Variants in CAMTA1 observed in about 807,000 individuals in gnomAD.
CAMTA1 encodes the protein calmodulin-binding transcription activator 1.
A neutral mutation model predicts 170.9 loss-of-function variants in CAMTA1; 27 were observed. The ratio of observed to expected loss-of-function variants is 0.16; its 90% confidence interval spans 0.12 to 0.22. CAMTA1 has a LOEUF of 0.22. Among genes scored for constraint, CAMTA1 ranks in the 10% least tolerant of loss-of-function variants. The pLI is 1.00. For synonymous variants in CAMTA1, 833 were observed against 891.5 expected (o/e 0.93, Z 1.17); for missense variants, 1,619 against 2,217.2 (o/e 0.73, Z 5.42).
chr1:7,502,620 C>T (rs1175451769), intron 6 of CAMTA1, among the ~76,000 whole-genome samples: 1 of 152,146 alleles, frequency 6.6e-6, no homozygotes, highest in Non-Finnish European at 1.5e-5. Context: ...TTCACCAGGT[C>T]GAGGAGTGGG....
intron 6 of CAMTA1, among the ~76,000 whole-genome samples, chr1:7,485,094 A>G (rs1402076843): frequency 6.6e-6 from 1 of 152,032 alleles, no homozygotes; most frequent in Non-Finnish European, 1.5e-5. Context: ...GTTGCCTCCA[A>G]AAGGCTTGGA....
At chr1:7,640,844 G>A (rs990782724) in intron 7 of CAMTA1, among the ~76,000 whole-genome samples, 2 of 152,170 alleles carry the variant, frequency 1.3e-5, no homozygotes, top group Admixed American at 6.5e-5. Flanking sequence ...AGTGGGCCAG[G>A]ACCGGGTCTC....
chr1:7,281,856 G>C lies in CAMTA1; in HGVS notation c.438+32230G>C, dbSNP rs901163190. Reference sequence around the variant, plus strand: ...GTGTGTGTGTGTGTATGATTAATGAGTCTAAATCCAAATTTCTACTTTGTG... The same window carrying C: ...GTGTGTGTGTGTGTATGATTAATGACTCTAAATCCAAATTTCTACTTTGTG... On this transcript the variant is annotated intron_variant, in intron 5 of 22. Coordinates refer to ENST00000303635, the MANE Select transcript of CAMTA1 (RefSeq NM_015215.4). Among the ~76,000 whole-genome samples, 257 of 149,090 alleles carry C rather than the reference G, an allele frequency of 1.7e-3. 4 individuals carry two copies. Among genetic ancestry groups the C allele is most frequent in the Non-Finnish European group, 2.4e-4 (16 of 67,380 alleles).
intron 3 of CAMTA1, among the ~76,000 whole-genome samples, chr1:6,879,296 C>T (rs1670806167): frequency 6.6e-6 from 1 of 152,192 alleles, no homozygotes; most frequent in East Asian, 1.9e-4. Context: ...TGAGCGAAGC[C>T]TGTGTCTTGG....
chr1:7,121,967 T>C (rs1054008138), intron 4 of CAMTA1, among the ~76,000 whole-genome samples: 1 of 152,000 alleles, frequency 6.6e-6, no homozygotes, highest in Admixed American at 6.6e-5. Context: ...GGGGCTCCTA[T>C]GGCTTGTCAG....
At chr1:7,037,066 T>C (rs1233344773) in intron 3 of CAMTA1, among the ~76,000 whole-genome samples, 2 of 152,248 alleles carry the variant, frequency 1.3e-5, no homozygotes, top group Non-Finnish European at 2.9e-5. Context: ...TTGAGTTTGT[T>C]GATGATAATA....
At position 7,113,440 on chromosome 1, in the gene CAMTA1, G is replaced by T. The variant is rs891483253; in HGVS notation, c.302+22069G>T. 1.3e-5 allele frequency among the ~76,000 whole-genome samples: 2 copies of T among 152,160 alleles called. No individual in the cohort carries two copies. Among genetic ancestry groups the T allele is most frequent in the Admixed American group, 1.3e-4 (2 of 15,282 alleles). On this transcript the variant is annotated intron_variant, in intron 4 of 22. Coordinates refer to ENST00000303635, the MANE Select transcript of CAMTA1 (RefSeq NM_015215.4). This position sits in a 1 kb window ranked among gnomAD's most constrained non-coding sequence, Gnocchi z 4.5. Reference sequence around the variant, plus strand: ...GGGGTCATCTTTACTTGATTCCCTTGGTCTGGAGAGAAGGATCTAGGGGCC... The same window carrying T: ...GGGGTCATCTTTACTTGATTCCCTTTGTCTGGAGAGAAGGATCTAGGGGCC...
chr1:7,753,821 G>A (rs1458694820), intron 21 of CAMTA1, among the ~76,000 whole-genome samples: 2 of 152,192 alleles, frequency 1.3e-5, no homozygotes, highest in African/African-American at 4.8e-5. Context: ...ACCATGCAAG[G>A]ATGGGAGATT....
chr1:6,914,102 C>CTTTTTTTTT (rs35814913), intron 3 of CAMTA1, among the ~76,000 whole-genome samples: 6 of 122,070 alleles, frequency 4.9e-5, no homozygotes, highest in Non-Finnish European at 8.3e-5. Context: ...GGGCTCATCT[C>CTTTTTTTTT]TTTTTTTTTT....
At chr1:7,023,299 C>G (rs529981846) in intron 3 of CAMTA1, among the ~76,000 whole-genome samples, 19 of 152,298 alleles carry the variant, frequency 1.2e-4, no homozygotes, top group African/African-American at 4.3e-4. Context: ...CAGATGTAAG[C>G]GTAAAACTTG....
intron 6 of CAMTA1, among the ~76,000 whole-genome samples, chr1:7,548,711 A>T (rs1242300651): frequency 5.4e-5 from 3 of 56,074 alleles, no homozygotes; most frequent in South Asian, 1.1e-3. Flanking sequence ...GGAGGTGCCC[A>T]TGGAGGGTGC....
At chr1:7,202,849 C>T (rs890702308) in intron 4 of CAMTA1, among the ~76,000 whole-genome samples, 2 of 152,084 alleles carry the variant, frequency 1.3e-5, no homozygotes, top group African/African-American at 4.8e-5. Context: ...TCTTCCTTTC[C>T]AACCCGGAGG....
At chr1:7,211,650 A>T in intron 4 of CAMTA1, among the ~76,000 whole-genome samples, 1 of 152,158 alleles carries the variant, frequency 6.6e-6, no homozygotes, top group South Asian at 2.1e-4. Flanking sequence ...GTCGCCTTCC[A>T]CTTCCTCTCA....
intron 5 of CAMTA1, among the ~76,000 whole-genome samples, chr1:7,449,224 C>T (rs1375928166): frequency 1.3e-5 from 2 of 152,216 alleles, no homozygotes. Flanking sequence ...TAGGCCTAGA[C>T]ATTTGTCAGG....
chr1:7,746,157 A>G, intron 18 of CAMTA1, 66 bp downstream of exon 18: 1 of 1,540,998 alleles, frequency 6.5e-7, no homozygotes, highest in Non-Finnish European at 8.8e-7. Context: ...TGAAAGTCAG[A>G]ATCATGCGAA....
At chr1:6,937,303 C>T (rs1315123368) in intron 3 of CAMTA1, among the ~76,000 whole-genome samples, 4 of 151,616 alleles carry the variant, frequency 2.6e-5, no homozygotes, top group African/African-American at 9.7e-5. Flanking sequence ...TCACTACTTA[C>T]CACCACCATC....
At chr1:7,239,492 T>C (rs1185817215) in intron 4 of CAMTA1, among the ~76,000 whole-genome samples, 1 of 152,176 alleles carries the variant, frequency 6.6e-6, no homozygotes, top group African/African-American at 2.4e-5. Context: ...AGAAGCCAAG[T>C]CATTTGCCCC....
intron 3 of CAMTA1, among the ~76,000 whole-genome samples, chr1:7,006,907 A>G (rs1699082617): frequency 6.6e-6 from 1 of 151,778 alleles, no homozygotes; most frequent in Non-Finnish European, 1.5e-5. Flanking sequence ...TGGAGGACTT[A>G]CTTATTTACT....
intron 5 of CAMTA1, among the ~76,000 whole-genome samples, chr1:7,315,082 A>G (rs1247192734): frequency 1.3e-5 from 2 of 152,214 alleles, no homozygotes; most frequent in Non-Finnish European, 2.9e-5. Context: ...GAAGACAAAG[A>G]GTGAATGAGA....
Sources: gnomAD v4.1 joint callset for allele counts (sites outside exome capture counted in the v4.1 genomes callset) on GRCh38, gnomAD v4.1.1 for gene constraint, Gnocchi (gnomAD v3.1) non-coding constraint, MANE v1.5 for transcripts, NCBI Gene and HGNC (gene_info 2026-07-23, HGNC 2026-07-21) for gene names.